PDE4D: variants seen among roughly 807,000 people sequenced by gnomAD.
PDE4D encodes the protein phosphodiesterase 4D.
PDE4D carries 24 observed loss-of-function variants against 87.4 expected under a neutral mutation model. That is an observed-to-expected ratio of 0.27 (90% CI 0.20 to 0.39). The LOEUF (loss-of-function observed/expected upper bound fraction) is 0.39, where lower values mean the gene tolerates loss of function less well. Among genes scored for constraint, PDE4D ranks in the 10% least tolerant of loss-of-function variants. The pLI, the probability that PDE4D is intolerant of heterozygous loss-of-function variation, is 1.00. For synonymous variants in PDE4D, 384 were observed against 383.2 expected, an observed-to-expected ratio of 1.00 and a Z score of -0.02; for missense variants, 714 against 1,041.0, an observed-to-expected ratio of 0.69 and a Z score of 4.32.
intron 1 of PDE4D, among the ~76,000 whole-genome samples, chr5:59,352,944 A>C (rs1047612182): frequency 2.0e-5 from 3 of 152,204 alleles, no homozygotes; most frequent in African/African-American, 7.2e-5. Flanking sequence ...GGCAAAAATG[A>C]GATTTGGAGA....
intron 1 of PDE4D, among the ~76,000 whole-genome samples, chr5:59,524,535 T>C (rs760078637): frequency 3.3e-5 from 5 of 152,160 alleles, no homozygotes; most frequent in African/African-American, 9.7e-5. Flanking sequence ...TGCAGCCTGA[T>C]GATGTAATAG....
chr5:59,978,916 T>TC, intron 3 of PDE4D, among the ~76,000 whole-genome samples: 1 of 136,874 alleles, frequency 7.3e-6, no homozygotes, highest in East Asian at 1.9e-4. Context: ...TTGTTAGCAT[T>TC]TTTTTTTTTA....
At chr5:59,680,468 A>G (rs1311553367) in intron 1 of PDE4D, among the ~76,000 whole-genome samples, 2 of 152,174 alleles carry the variant, frequency 1.3e-5, no homozygotes, top group African/African-American at 4.8e-5. Context: ...ATAGAAACAG[A>G]AAATATCATT....
At chr5:60,151,574 A>C (rs2149442664) in intron 2 of PDE4D, among the ~76,000 whole-genome samples, 1 of 152,292 alleles carries the variant, frequency 6.6e-6, no homozygotes, top group African/African-American at 2.4e-5. Flanking sequence ...GTACAGATAC[A>C]AAAGTGAGTT....
At chr5:60,380,199 T>C (rs1252974451) in intron 1 of PDE4D, among the ~76,000 whole-genome samples, 1 of 152,214 alleles carries the variant, frequency 6.6e-6, no homozygotes, top group Non-Finnish European at 1.5e-5. Flanking sequence ...AACACTGAAC[T>C]TTGAGGATGT....
chr5:60,496,538 T>G (rs1230111410), intron 1 of PDE4D, among the ~76,000 whole-genome samples: 1 of 152,136 alleles, frequency 6.6e-6, no homozygotes, highest in Non-Finnish European at 1.5e-5. Flanking sequence ...TCTCTTTGAA[T>G]CTGGGCATAG....
intron 2 of PDE4D, among the ~76,000 whole-genome samples, chr5:60,008,383 T>C (rs1764684267): frequency 6.6e-6 from 1 of 151,972 alleles, no homozygotes; most frequent in African/African-American, 2.4e-5. Context: ...TAATGAGACA[T>C]CTACTAATTT....
At chr5:60,153,693 A>T (rs946501031) in intron 2 of PDE4D, among the ~76,000 whole-genome samples, 7 of 152,210 alleles carry the variant, frequency 4.6e-5, no homozygotes, top group African/African-American at 1.7e-4. Context: ...TTTAAAAAGA[A>T]GTTAATCCTG....
intron 1 of PDE4D, among the ~76,000 whole-genome samples, chr5:60,269,032 G>A (rs757865874): frequency 2.0e-5 from 3 of 152,176 alleles, no homozygotes; most frequent in Non-Finnish European, 2.9e-5. Context: ...GGCCGGGCGC[G>A]GTGGCTCACA....
chr5:59,213,272 C>A (rs991369516), intron 2 of PDE4D, among the ~76,000 whole-genome samples: 66 of 151,986 alleles, frequency 4.3e-4, no homozygotes, highest in African/African-American at 1.6e-3. Context: ...TCAACCAATC[C>A]TCCTACCTCT....
At chr5:60,318,638 A>G (rs947297613) in intron 1 of PDE4D, among the ~76,000 whole-genome samples, 22 of 151,954 alleles carry the variant, frequency 1.4e-4, no homozygotes, top group Non-Finnish European at 2.8e-4. Context: ...TTTCCTTTCC[A>G]TGTTTAGTGC....
At chr5:60,456,728 T>C (rs917844064) in intron 1 of PDE4D, among the ~76,000 whole-genome samples, 3 of 152,174 alleles carry the variant, frequency 2.0e-5, no homozygotes, top group African/African-American at 7.2e-5. Flanking sequence ...CAAAACATCA[T>C]GCAAGGCTGA....
chr5:59,359,969 C>T (rs1380784118), intron 1 of PDE4D, among the ~76,000 whole-genome samples: 7 of 152,072 alleles, frequency 4.6e-5, no homozygotes, highest in African/African-American at 1.2e-4. Flanking sequence ...GCAAAGTGCC[C>T]GTCTCCTGCC....
chr5:59,460,597 C>A (rs1212725165), intron 1 of PDE4D, among the ~76,000 whole-genome samples: 1 of 152,122 alleles, frequency 6.6e-6, no homozygotes, highest in Non-Finnish European at 1.5e-5. Context: ...TTGGCAGTGT[C>A]CCCCAGCCCA....
intron 5 of PDE4D, among the ~76,000 whole-genome samples, chr5:59,061,270 C>G (rs1458140514): frequency 6.6e-6 from 1 of 152,024 alleles, no homozygotes; most frequent in African/African-American, 2.4e-5. Context: ...AAAGGTTTAT[C>G]AAATGACATA....
At chr5:59,502,551 T>G (rs1448020542) in intron 1 of PDE4D, among the ~76,000 whole-genome samples, 3 of 151,974 alleles carry the variant, frequency 2.0e-5, no homozygotes, top group African/African-American at 7.3e-5. Context: ...AAAAAGACAT[T>G]TTATTCACTT....
At chr5:59,726,575 C>G (rs1454689728) in intron 1 of PDE4D, among the ~76,000 whole-genome samples, 1 of 152,110 alleles carries the variant, frequency 6.6e-6, no homozygotes, top group East Asian at 1.9e-4. Context: ...AATTTCAGAA[C>G]TTTCAGCCTC....
At chr5:59,277,431 T>C (rs774120499) in intron 1 of PDE4D, among the ~76,000 whole-genome samples, 1 of 152,166 alleles carries the variant, frequency 6.6e-6, no homozygotes, top group Non-Finnish European at 1.5e-5. Flanking sequence ...TAATTAATCA[T>C]GTATTTTTTT....
intron 1 of PDE4D, among the ~76,000 whole-genome samples, chr5:60,495,952 G>T (rs1749793499): frequency 6.6e-6 from 1 of 152,102 alleles, no homozygotes; most frequent in South Asian, 2.1e-4. Flanking sequence ...TATTTGTTTT[G>T]TTGTGCAAAG....
Sources: gnomAD v4.1 joint callset for allele counts (sites outside exome capture counted in the v4.1 genomes callset) on GRCh38, gnomAD v4.1.1 for gene constraint, MANE v1.5 for transcripts, NCBI Gene and HGNC (gene_info 2026-07-23, HGNC 2026-07-21) for gene names.